GNAI1: variants seen among roughly 807,000 people sequenced by gnomAD.
The protein encoded by GNAI1 is guanine nucleotide-binding protein G(i) subunit alpha-1.
A neutral mutation model predicts 38.9 loss-of-function variants in GNAI1; 11 were observed. The observed-to-expected ratio is 0.28, with a 90% CI of 0.18 to 0.47. The LOEUF (loss-of-function observed/expected upper bound fraction) is 0.47, where lower values mean the gene tolerates loss of function less well. Ranked by LOEUF, GNAI1 falls within the 20% of genes least tolerant of loss-of-function variation. The pLI, the probability that GNAI1 is intolerant of heterozygous loss-of-function variation, is 0.99. For synonymous variants in GNAI1, 166 were observed against 145.1 expected (o/e 1.14, Z -1.04); for missense variants, 317 against 436.9 (o/e 0.73, Z 2.45).
Position 80,224,524 on chromosome 7 carries a change from G to T in GNAI1, c.*7031G>T, listed in dbSNP as rs902603478. ...TATCTTCAAAATCCAATGGCATAAA[G>T]AAGTTTTTCACAAGGGTGCCACATG... On this transcript the variant is annotated 3_prime_UTR_variant, in exon 8 of 8. Transcript: ENST00000649796. 1.3e-5 allele frequency among the ~76,000 whole-genome samples: 2 copies of T among 151,896 alleles called. No homozygotes were observed. The highest frequency in any genetic ancestry group is 6.6e-5 in the Admixed American group (1 of 15,246).
intron 5 of GNAI1, 111 bp from the exon 6 acceptor site, chr7:80,210,858 T>C: frequency 1.2e-6 from 1 of 830,912 alleles, no homozygotes; most frequent in Non-Finnish European, 1.8e-6. Flanking sequence ...TCTCCTTCCT[T>C]TTCATCAGAC....
chr7:80,189,320 A>G (rs960146266), intron 3 of GNAI1, 89 bp downstream of exon 3: 8 of 1,121,254 alleles, frequency 7.1e-6, no homozygotes, highest in African/African-American at 6.3e-5. Flanking sequence ...AGGCTTGTCA[A>G]CTATCAGGAC....
intron 1 of GNAI1, among the ~76,000 whole-genome samples, chr7:80,148,300 C>T (rs1787663182): frequency 6.6e-6 from 1 of 152,060 alleles, no homozygotes; most frequent in Non-Finnish European, 1.5e-5. Context: ...TGACAAATGT[C>T]CATTGTAGAA....
intron 1 of GNAI1, among the ~76,000 whole-genome samples, chr7:80,138,460 A>T (rs908870145): frequency 6.6e-6 from 1 of 152,188 alleles, no homozygotes; most frequent in East Asian, 1.9e-4. Flanking sequence ...GATAATACTT[A>T]ATAGAGAAAC....
rs1403393688 is a variant in GNAI1, at chr7:80,221,599, G to T, written c.*4106G>T. 1.3e-5 allele frequency among the ~76,000 whole-genome samples: 2 copies of T among 148,296 alleles called. No homozygotes were observed. Among genetic ancestry groups the T allele is most frequent in the East Asian group, 2.0e-4 (1 of 4,922 alleles). Reference sequence around the variant, plus strand: ...GTCGTTTTAATGTAACCAATAGTATGAGAGAGTTTATATTTTAATGTTAGG... The same window carrying T: ...GTCGTTTTAATGTAACCAATAGTATTAGAGAGTTTATATTTTAATGTTAGG... On this transcript the variant is annotated 3_prime_UTR_variant, in exon 8 of 8. Coordinates refer to ENST00000649796, the MANE Select transcript of GNAI1 (RefSeq NM_002069.6).
chr7:80,202,248 T>C (rs10277707), intron 4 of GNAI1, among the ~76,000 whole-genome samples: 87,170 of 151,796 alleles, frequency 0.57, 26,251 homozygotes, highest in East Asian at 0.79. Flanking sequence ...CCTCACCACG[T>C]CCAGCTGATT....
At chr7:80,199,139 T>A (rs1290636252) in intron 3 of GNAI1, 86 bp from the exon 4 acceptor site, 22 of 968,426 alleles carry the variant, frequency 2.3e-5, no homozygotes. Context: ...ATTGCCTTTT[T>A]TTTTTTAACT....
chr7:80,212,900 A>T, intron 7 of GNAI1, 31 bp downstream of exon 7: 2 of 1,445,818 alleles, frequency 1.4e-6, no homozygotes, highest in South Asian at 1.3e-5. Context: ...TAACTTGTCA[A>T]GTTACATATT....
chr7:80,150,186 G>A (rs1438393528), intron 1 of GNAI1, among the ~76,000 whole-genome samples: 6 of 152,282 alleles, frequency 3.9e-5, no homozygotes, highest in Middle Eastern at 3.4e-3. Flanking sequence ...CCTAGGTATA[G>A]ATTCCAGAGA....
In GNAI1 at chr7:80,220,541, A is replaced by G. The variant is rs1258402162; in HGVS notation, c.*3048A>G. 6.6e-6 allele frequency among the ~76,000 whole-genome samples: 1 copy of G among 152,132 alleles called. No individual in the cohort carries two copies. Among genetic ancestry groups the G allele is most frequent in the Non-Finnish European group, 1.5e-5 (1 of 68,034 alleles). Reference sequence around the variant, plus strand: ...CCAGCATTGGACGAGTGAGCCAATCATTGTCCCAGTTGCCATTCTTAAAGT... The same window carrying G: ...CCAGCATTGGACGAGTGAGCCAATCGTTGTCCCAGTTGCCATTCTTAAAGT... On this transcript the variant is annotated 3_prime_UTR_variant, in exon 8 of 8. Coordinates refer to ENST00000649796, the MANE Select transcript of GNAI1 (RefSeq NM_002069.6).
chr7:80,195,786 T>G (rs1788559100), intron 3 of GNAI1, among the ~76,000 whole-genome samples: 1 of 152,052 alleles, frequency 6.6e-6, no homozygotes, highest in South Asian at 2.1e-4. Flanking sequence ...ATCTGACCTT[T>G]GCTTTAAAAA....
intron 3 of GNAI1, among the ~76,000 whole-genome samples, chr7:80,195,765 T>TTAAAATAGTC (rs1788558688): frequency 6.6e-6 from 1 of 152,040 alleles, no homozygotes; most frequent in Non-Finnish European, 1.5e-5. Context: ...ATCTGCTGTA[T>TTAAAATAGTC]TACAATAGTC....
chr7:80,136,389 AG>A (rs1787416888), intron 1 of GNAI1, among the ~76,000 whole-genome samples: 1 of 152,158 alleles, frequency 6.6e-6, no homozygotes, highest in Non-Finnish European at 1.5e-5. Flanking sequence ...GTTTTCAGTA[AG>A]CTTCTGTTTC....
At chr7:80,182,186 T>C (rs531703857) in intron 1 of GNAI1, among the ~76,000 whole-genome samples, 18 of 152,324 alleles carry the variant, frequency 1.2e-4, no homozygotes, top group African/African-American at 4.1e-4. Flanking sequence ...CAGGATTTCC[T>C]TTTTAAGGCT....
At chr7:80,217,258 A>AT in intron 7 of GNAI1, 45 bp from the exon 8 acceptor site, 1 of 1,270,178 alleles carries the variant, frequency 7.9e-7, no homozygotes, top group South Asian at 1.5e-5. Flanking sequence ...TTAAGCAGTT[A>AT]TTTTAACTTT....
chr7:80,195,847 TA>T (rs995692110), intron 3 of GNAI1, among the ~76,000 whole-genome samples: 11 of 151,936 alleles, frequency 7.2e-5, no homozygotes, highest in African/African-American at 2.2e-4. Context: ...TTGATTATTT[TA>T]AAAAAAATTC....
chr7:80,156,661 T>G (rs983366552), intron 1 of GNAI1, among the ~76,000 whole-genome samples: 1 of 152,170 alleles, frequency 6.6e-6, no homozygotes, highest in African/African-American at 2.4e-5. Flanking sequence ...CTTAAACTCC[T>G]GGCCTCAAGT....
rs777524714 is a variant in GNAI1, at chr7:80,212,848, A to G, written c.853A>G (p.Ile285Val). ...AAAAATCAAAAAGAGCCCTCTCACT[A>G]TATGCTATCCAGAATATGCAGGTAT... Reference protein sequence around the residue: ...EEKIKKSPLTICYPEYAGSNT... With the variant: ...EEKIKKSPLTVCYPEYAGSNT... The change falls in exon 7 of 8, where the codon ATA (isoleucine) becomes GTA (valine). Residue 285 changes from isoleucine to valine, a missense_variant. Around this residue, in one of 5 missense-constraint regions of GNAI1, gnomAD observed 158 missense variants for 234.7 expected, o/e 0.67. Transcript: ENST00000649796. 5.1e-6 allele frequency: 8 copies of G among 1,580,208 alleles called. No individual in the cohort carries two copies. The highest frequency in any genetic ancestry group is 6.0e-6 in the Non-Finnish European group (7 of 1,166,486).
intron 1 of GNAI1, among the ~76,000 whole-genome samples, chr7:80,185,136 C>T (rs1278049668): frequency 6.6e-6 from 1 of 152,006 alleles, no homozygotes; most frequent in Non-Finnish European, 1.5e-5. Context: ...AAAAATTTAC[C>T]CCCCAACCCC....
Sources: allele counts gnomAD v4.1 joint callset (sites outside exome capture counted in the v4.1 genomes callset), GRCh38; gene constraint gnomAD v4.1.1; regional missense constraint gnomAD v4.1.1; transcripts MANE v1.5; gene names NCBI Gene and HGNC (gene_info 2026-07-23, HGNC 2026-07-21).